SLC45A1: variants seen among roughly 807,000 people sequenced by gnomAD.
SLC45A1 encodes the protein proton-associated sugar transporter A.
SLC45A1 carries 28 observed loss-of-function variants against 57.6 expected under a neutral mutation model. The ratio of observed to expected loss-of-function variants is 0.49; its 90% CI spans 0.36 to 0.67. SLC45A1 has a LOEUF of 0.67. SLC45A1 is among the 30% of genes least tolerant of loss of function. The probability of loss-of-function intolerance (pLI) is 0.00; values close to 1 mark genes in which losing one functional copy is unlikely to be tolerated. For missense variants in SLC45A1, 814 were observed against 1,041.5 expected (o/e 0.78, Z 3.01); for synonymous variants, 459 against 471.5 (o/e 0.97, Z 0.34).
chr1:8,330,657 C>T lies in SLC45A1; in HGVS notation c.1164C>T (p.Tyr388=). ...GCTTCACGGGCGGCCACGACAGCTA[C>T]CTGGCCATCCCTGGCAGCGTCCCCA... The part of the protein sequence containing the change: ...IDCFTGGHDS[Y]LAIPGSVPRP... Residue 388 remains tyrosine, a synonymous_variant, in exon 5 of 9, where the codon TAC becomes TAT. Transcript: ENST00000471889. The surrounding 1 kb of genome is among the most constrained non-coding windows in gnomAD (Gnocchi z 8.4). 2 of 1,613,388 alleles carry T rather than the reference C, an allele frequency of 1.2e-6. No individual in the cohort carries two copies. The highest frequency in any genetic ancestry group is 1.7e-6 in the Non-Finnish European group (2 of 1,179,988).
chr1:8,331,196 C>T (rs1449940466), intron 5 of SLC45A1, among the ~76,000 whole-genome samples: 2 of 151,820 alleles, frequency 1.3e-5, no homozygotes, highest in Non-Finnish European at 2.9e-5. Context: ...GGCAACGTGG[C>T]GAAACCCCGT....
In SLC45A1 at chr1:8,343,682, C is replaced by T. The variant is rs1165019453; in HGVS notation, c.1981-65C>T. 28 of 1,549,792 alleles carry T rather than the reference C, an allele frequency of 1.8e-5. No individual in the cohort carries two copies. Among genetic ancestry groups the T allele is most frequent in the Non-Finnish European group, 2.4e-5 (27 of 1,144,474 alleles). ...GGGCCTCCTGGGCTCGCAGGACACA[C>T]CGAGCTCGGTCACCCCGTGCTGGCC... On this transcript the variant is annotated intron_variant, in intron 8 of 8. Coordinates refer to ENST00000471889, the MANE Select transcript of SLC45A1 (RefSeq NM_001080397.3). This position sits in a 1 kb window ranked among gnomAD's most constrained non-coding sequence, Gnocchi z 7.7.
At chr1:8,318,702 C>A (rs1375676815) in intron 1 of SLC45A1, among the ~76,000 whole-genome samples, 1 of 152,208 alleles carries the variant, frequency 6.6e-6, no homozygotes, top group African/African-American at 2.4e-5. Context: ...CTTCTGCCCT[C>A]GACAATCAGC....
intron 7 of SLC45A1, 70 bp from the exon 8 acceptor site, chr1:8,339,423 G>A (rs1406719047): frequency 6.7e-6 from 10 of 1,500,544 alleles, no homozygotes; most frequent in Non-Finnish European, 8.3e-6. Context: ...CCGCCGGGAG[G>A]TGGCACTGGA....
At chr1:8,340,338 A>G (rs1460692444) in intron 8 of SLC45A1, among the ~76,000 whole-genome samples, 3 of 151,730 alleles carry the variant, frequency 2.0e-5, no homozygotes, top group Non-Finnish European at 4.4e-5. Context: ...AATTTTTTGT[A>G]TTTTTAGTAG....
chr1:8,333,922 T>C (rs1442502430), intron 5 of SLC45A1, among the ~76,000 whole-genome samples: 1 of 152,234 alleles, frequency 6.6e-6, no homozygotes, highest in Non-Finnish European at 1.5e-5. Context: ...AGCTCCCGTC[T>C]GGAAAGGGTT....
Position 8,330,408 on chromosome 1 carries a change from C to G in SLC45A1, c.915C>G (p.Ser305Arg), listed in dbSNP as rs771766300. 2.5e-6 allele frequency: 4 copies of G among 1,612,210 alleles called. No homozygotes were observed. The highest frequency in any genetic ancestry group is 3.3e-5 in the Admixed American group (2 of 59,970). ...GTGAGAAGCGGGCAGCCATGAAGAGCCCCAGCCTCCCGCTGCCCCCGTCCC... is the reference window on the plus strand; with the variant it reads ...GTGAGAAGCGGGCAGCCATGAAGAGGCCCAGCCTCCCGCTGCCCCCGTCCC... Reference protein sequence around the residue: ...PPSEKRAAMKSPSLPLPPSPP... With the variant: ...PPSEKRAAMKRPSLPLPPSPP... The change falls in exon 5 of 9, where the codon AGC becomes AGG. Residue 305 changes from serine to arginine, a missense_variant. Coordinates refer to ENST00000471889, the MANE Select transcript of SLC45A1 (RefSeq NM_001080397.3). The surrounding 1 kb of genome is among the most constrained non-coding windows in gnomAD (Gnocchi z 8.4).
intron 4 of SLC45A1, among the ~76,000 whole-genome samples, chr1:8,329,432 G>A (rs1484047510): frequency 3.3e-5 from 5 of 152,228 alleles, no homozygotes; most frequent in Admixed American, 1.3e-4. Context: ...TCGTGGACCC[G>A]CAGCTGGCTG....
Position 8,325,567 on chromosome 1 carries a change from G to T in SLC45A1, c.490+177G>T, listed in dbSNP as rs1020864697. Among the ~76,000 whole-genome samples, 3 of 152,164 alleles carry T rather than the reference G, an allele frequency of 2.0e-5. No individual in the cohort carries two copies. The highest frequency in any genetic ancestry group is 4.8e-5 in the African/African-American group (2 of 41,442). ...CTGGCCTCAGTTAACTGTGAGAATAGATCGCTTTGATCATTTTTAAAAATT... is the reference window on the plus strand; with the variant it reads ...CTGGCCTCAGTTAACTGTGAGAATATATCGCTTTGATCATTTTTAAAAATT... On this transcript the variant is annotated intron_variant, in intron 3 of 8. Coordinates refer to ENST00000471889, the MANE Select transcript of SLC45A1 (RefSeq NM_001080397.3). The surrounding 1 kb of genome is among the most constrained non-coding windows in gnomAD (Gnocchi z 6.3).
At chr1:8,332,355 T>C (rs1281250060) in intron 5 of SLC45A1, among the ~76,000 whole-genome samples, 2 of 152,170 alleles carry the variant, frequency 1.3e-5, no homozygotes, top group African/African-American at 2.4e-5. Flanking sequence ...TTCCGGAGGC[T>C]ATAAAAACAG....
At position 8,326,401 on chromosome 1, in the gene SLC45A1, A is replaced by G. The variant is rs1374281753; in HGVS notation, c.715+359A>G. On this transcript the variant is annotated intron_variant, in intron 4 of 8. Coordinates refer to ENST00000471889, the MANE Select transcript of SLC45A1 (RefSeq NM_001080397.3). The surrounding 1 kb of genome is among the most constrained non-coding windows in gnomAD (Gnocchi z 5.5). ...TAGGTTCCTGTGAGCCTCCAGTCAC[A>G]ACGTTTTCATCAACGGATCAACACA... Among the ~76,000 whole-genome samples, 1 of 152,184 alleles carries G rather than the reference A, an allele frequency of 6.6e-6. No homozygotes were observed. Among genetic ancestry groups the G allele is most frequent in the African/African-American group, 2.4e-5 (1 of 41,446 alleles).
chr1:8,340,064 A>T (rs986711803), intron 8 of SLC45A1, among the ~76,000 whole-genome samples: 1 of 152,224 alleles, frequency 6.6e-6, no homozygotes, highest in Non-Finnish European at 1.5e-5. Context: ...TGAAGCTCGG[A>T]AAACTCAGCA....
At chr1:8,318,811 C>G (rs1224103565) in intron 1 of SLC45A1, among the ~76,000 whole-genome samples, 1 of 152,202 alleles carries the variant, frequency 6.6e-6, no homozygotes, top group African/African-American at 2.4e-5. Flanking sequence ...TCAGGCTGCA[C>G]CTGGCCTGGG....
At chr1:8,333,378 C>G (rs968496215) in intron 5 of SLC45A1, among the ~76,000 whole-genome samples, 1 of 151,994 alleles carries the variant, frequency 6.6e-6, no homozygotes, top group Non-Finnish European at 1.5e-5. Context: ...CTCAAGTGAT[C>G]CCCCTGCCTT....
intron 1 of SLC45A1, among the ~76,000 whole-genome samples, chr1:8,321,674 AG>A (rs1569922694): frequency 1.3e-5 from 2 of 151,724 alleles, no homozygotes; most frequent in Admixed American, 6.6e-5. Flanking sequence ...AATGTTTGGA[AG>A]GGGGGATAGG....
Position 8,327,322 on chromosome 1 carries a change from G to A in SLC45A1, c.715+1280G>A, listed in dbSNP as rs1448416449. 6.6e-6 allele frequency among the ~76,000 whole-genome samples: 1 copy of A among 152,144 alleles called. No homozygotes were observed. Among genetic ancestry groups the A allele is most frequent in the Non-Finnish European group, 1.5e-5 (1 of 68,024 alleles). Reference sequence around the variant, plus strand: ...TGCTTAATGGTGAAACAGGAGAAATGTTCCCATCAAAGTCAGGAATGAGGC... The same window carrying A: ...TGCTTAATGGTGAAACAGGAGAAATATTCCCATCAAAGTCAGGAATGAGGC... On this transcript the variant is annotated intron_variant, in intron 4 of 8. Coordinates refer to ENST00000471889, the MANE Select transcript of SLC45A1 (RefSeq NM_001080397.3). This position sits in a 1 kb window ranked among gnomAD's most constrained non-coding sequence, Gnocchi z 4.3.
chr1:8,330,059 C>A lies in SLC45A1; in HGVS notation c.716-150C>A. The A allele has an allele frequency of 1.0e-6, 1 of 978,096 alleles. No individual in the cohort carries two copies. The highest frequency in any genetic ancestry group is 1.5e-6 in the Non-Finnish European group (1 of 659,056). 60.6% of individuals were successfully genotyped at this position (978,096 alleles called of 1,614,324 possible). The stretch of plus-strand genomic sequence containing the variant: ...AAGGGGCCCGCCCTGGGAATCCTGT[C>A]CCATTTTGTTGGGGTTTAGGTGGAA... On this transcript the variant is annotated intron_variant, in intron 4 of 8. Coordinates refer to ENST00000471889, the MANE Select transcript of SLC45A1 (RefSeq NM_001080397.3). This position sits in a 1 kb window ranked among gnomAD's most constrained non-coding sequence, Gnocchi z 8.4.
chr1:8,341,056 G>T (rs977052901), intron 8 of SLC45A1, among the ~76,000 whole-genome samples: 2 of 152,010 alleles, frequency 1.3e-5, no homozygotes, highest in African/African-American at 4.8e-5. Context: ...GCTGGGCATG[G>T]TGGCGCGTGC....
chr1:8,322,400 A>G (rs1014726201), intron 1 of SLC45A1, among the ~76,000 whole-genome samples: 1 of 150,798 alleles, frequency 6.6e-6, no homozygotes, highest in African/African-American at 2.4e-5. Flanking sequence ...GAGTGGATGG[A>G]TGCATGGATA....
Sources: gnomAD v4.1 joint callset for allele counts (sites outside exome capture counted in the v4.1 genomes callset) on GRCh38, gnomAD v4.1.1 for gene constraint, Gnocchi (gnomAD v3.1) non-coding constraint, MANE v1.5 for transcripts, NCBI Gene and HGNC (gene_info 2026-07-23, HGNC 2026-07-21) for gene names.